PRR16: variants seen among roughly 807,000 people sequenced by gnomAD.
PRR16 encodes protein Largen.
PRR16 carries 6 observed loss-of-function variants against 18.2 expected under a neutral mutation model. That is an observed-to-expected ratio of 0.33 (90% CI 0.18 to 0.65). The LOEUF (loss-of-function observed/expected upper bound fraction) is 0.65, where lower values mean the gene tolerates loss of function less well. PRR16 is among the 30% of genes least tolerant of loss of function. PRR16 has a pLI of 0.74. For missense variants in PRR16, 412 were observed against 376.6 expected, an observed-to-expected ratio of 1.09 and a Z score of -0.78; for synonymous variants, 151 against 147.8, an observed-to-expected ratio of 1.02 and a Z score of -0.16.
intron 1 of PRR16, among the ~76,000 whole-genome samples, chr5:120,669,179 C>T (rs1756503758): frequency 6.6e-6 from 1 of 152,134 alleles, no homozygotes; most frequent in Admixed American, 6.6e-5. Flanking sequence ...AGATTTGGTA[C>T]AACTTGCTCA....
intron 1 of PRR16, among the ~76,000 whole-genome samples, chr5:120,553,461 A>C (rs908650907): frequency 2.0e-5 from 3 of 151,888 alleles, no homozygotes; most frequent in Non-Finnish European, 4.4e-5. Context: ...TTGTTTAAAA[A>C]ATAATTTTCA....
At chr5:120,612,696 T>A (rs1334533145) in intron 1 of PRR16, among the ~76,000 whole-genome samples, 1 of 152,178 alleles carries the variant, frequency 6.6e-6, no homozygotes, top group Non-Finnish European at 1.5e-5. Flanking sequence ...CTCAGGTATG[T>A]CTTTACCGGC....
the PRR16 span, among the ~76,000 whole-genome samples, chr5:120,724,312 C>T: frequency 7.2e-5 from 11 of 152,164 alleles, no homozygotes; most frequent in African/African-American, 1.9e-4. Context: ...ACAGACCAAG[C>T]GTTCAAATTC....
At chr5:120,671,592 A>C (rs1411991017) in intron 1 of PRR16, among the ~76,000 whole-genome samples, 2 of 152,208 alleles carry the variant, frequency 1.3e-5, no homozygotes, top group Admixed American at 6.5e-5. Context: ...ATAAAGTATA[A>C]TTTACTAAAA....
At chr5:120,540,341 CCTT>C (rs33921066) in intron 1 of PRR16, among the ~76,000 whole-genome samples, 67,166 of 151,576 alleles carry the variant, frequency 0.44, 15,335 homozygotes, top group Middle Eastern at 0.52. Flanking sequence ...TCTCTTTCCT[CCTT>C]AACATGATTT....
intron 1 of PRR16, among the ~76,000 whole-genome samples, chr5:120,661,458 C>T (rs1756170333): frequency 6.6e-6 from 1 of 152,024 alleles, no homozygotes; most frequent in Non-Finnish European, 1.5e-5. Context: ...TTTAAATGGC[C>T]AAATTCAGTA....
At chr5:120,580,148 T>C (rs970753416) in intron 1 of PRR16, among the ~76,000 whole-genome samples, 1 of 152,206 alleles carries the variant, frequency 6.6e-6, no homozygotes, top group East Asian at 1.9e-4. Context: ...GATGGGGTTT[T>C]CTAAATATAA....
chr5:120,582,675 C>T (rs977861628), intron 1 of PRR16, among the ~76,000 whole-genome samples: 6 of 151,700 alleles, frequency 4.0e-5, no homozygotes, highest in African/African-American at 7.3e-5. Context: ...ATTTTCTGAA[C>T]GATTTTTTAA....
At chr5:120,723,593 A>G in the PRR16 span, among the ~76,000 whole-genome samples, 1 of 152,098 alleles carries the variant, frequency 6.6e-6, no homozygotes, top group Admixed American at 6.6e-5. Context: ...AGTCATTTAT[A>G]TTAATATTTG....
At chr5:120,739,104 T>A in the PRR16 span, among the ~76,000 whole-genome samples, 1 of 152,112 alleles carries the variant, frequency 6.6e-6, no homozygotes, top group African/African-American at 2.4e-5. Context: ...GCAAGTGGAA[T>A]AATGAGGCAG....
At chr5:120,768,408 G>T in the PRR16 span, among the ~76,000 whole-genome samples, 2 of 139,180 alleles carry the variant, frequency 1.4e-5, no homozygotes, top group African/African-American at 5.0e-5. Context: ...TTTAAGCAAT[G>T]ATTTTTTTAC....
At chr5:120,787,076 C>A in the PRR16 span, among the ~76,000 whole-genome samples, 1 of 152,058 alleles carries the variant, frequency 6.6e-6, no homozygotes, top group African/African-American at 2.4e-5. Flanking sequence ...ATAGAGAATG[C>A]TTCAATTCAT....
intron 1 of PRR16, among the ~76,000 whole-genome samples, chr5:120,672,546 G>A (rs1756647119): frequency 7.2e-6 from 1 of 138,586 alleles, no homozygotes; most frequent in Non-Finnish European, 1.5e-5. Flanking sequence ...ATATATGTGT[G>A]TGTGTGTGTG....
the PRR16 span, among the ~76,000 whole-genome samples, chr5:120,692,646 T>C: frequency 2.0e-5 from 3 of 152,192 alleles, no homozygotes; most frequent in East Asian, 3.8e-4. Context: ...GAGTAATTTT[T>C]TAGTGTTTGA....
At chr5:120,736,794 T>C in the PRR16 span, among the ~76,000 whole-genome samples, 5 of 152,140 alleles carry the variant, frequency 3.3e-5, no homozygotes, top group Non-Finnish European at 7.4e-5. Context: ...TTTTAGTGCA[T>C]AAGTCTTTTG....
chr5:120,648,994 GC>G (rs747781463), intron 1 of PRR16, among the ~76,000 whole-genome samples: 2 of 152,104 alleles, frequency 1.3e-5, no homozygotes, highest in African/African-American at 2.4e-5. Context: ...AATGGTTATT[GC>G]TTTTGTTTTT....
At chr5:120,650,160 T>C (rs1042618377) in intron 1 of PRR16, among the ~76,000 whole-genome samples, 1 of 150,258 alleles carries the variant, frequency 6.7e-6, no homozygotes, top group Non-Finnish European at 1.5e-5. Flanking sequence ...GAGGTTGCAG[T>C]GAGCCAAGAT....
chr5:120,592,507 A>G (rs756737718), intron 1 of PRR16, among the ~76,000 whole-genome samples: 11 of 152,204 alleles, frequency 7.2e-5, no homozygotes, highest in African/African-American at 1.4e-4. Flanking sequence ...AATTTTTTAT[A>G]TCATGAATTT....
At chr5:120,728,275 A>C in the PRR16 span, among the ~76,000 whole-genome samples, 1 of 151,886 alleles carries the variant, frequency 6.6e-6, no homozygotes, top group Non-Finnish European at 1.5e-5. Context: ...AAGACATACT[A>C]CAATAGTTTG....
Sources: gnomAD v4.1 joint callset for allele counts (sites outside exome capture counted in the v4.1 genomes callset) on GRCh38, gnomAD v4.1.1 for gene constraint, MANE v1.5 for transcripts, NCBI Gene and HGNC (gene_info 2026-07-23, HGNC 2026-07-21) for gene names.